SLCO5A1: variants seen among roughly 807,000 people sequenced by gnomAD.
The protein encoded by SLCO5A1 is solute carrier organic anion transporter family member 5A1.
Under a neutral mutation model 65.1 loss-of-function variants are expected in SLCO5A1, and 39 were observed. That is an observed-to-expected ratio of 0.60 (90% CI 0.46 to 0.78). SLCO5A1 has a LOEUF of 0.78. SLCO5A1 is among the 30% of genes least tolerant of loss of function. The pLI, the probability that SLCO5A1 is intolerant of heterozygous loss-of-function variation, is 0.00. For synonymous variants in SLCO5A1, 438 were observed against 415.7 expected (o/e 1.05, Z -0.65); for missense variants, 1,029 against 1,069.4 (o/e 0.96, Z 0.53).
chr8:69,821,859 T>G (rs1005626890), intron 2 of SLCO5A1, among the ~76,000 whole-genome samples: 1 of 149,432 alleles, frequency 6.7e-6, no homozygotes, highest in African/African-American at 2.5e-5. Context: ...AGGCACAGTA[T>G]CTCATGCCTA....
intron 5 of SLCO5A1, among the ~76,000 whole-genome samples, chr8:69,718,942 C>G (rs1177920121): frequency 2.0e-5 from 3 of 152,048 alleles, no homozygotes; most frequent in African/African-American, 7.2e-5. Context: ...ACTGAGGGAT[C>G]CTGGATAAAG....
chr8:69,784,642 G>A (rs1818931028), intron 2 of SLCO5A1, among the ~76,000 whole-genome samples: 1 of 151,704 alleles, frequency 6.6e-6, no homozygotes, highest in Non-Finnish European at 1.5e-5. Context: ...ACAAAAATTA[G>A]ACAGGCATGG....
chr8:69,799,955 T>C (rs978196668), intron 2 of SLCO5A1, among the ~76,000 whole-genome samples: 1 of 152,236 alleles, frequency 6.6e-6, no homozygotes, highest in Non-Finnish European at 1.5e-5. Flanking sequence ...GATTTCATTT[T>C]TTATTTTTCA....
intron 2 of SLCO5A1, among the ~76,000 whole-genome samples, chr8:69,816,386 CTGAAG>C (rs1368893207): frequency 1.3e-5 from 2 of 152,166 alleles, no homozygotes; most frequent in African/African-American, 2.4e-5. Flanking sequence ...TCCACAGGAA[CTGAAG>C]TGAAGAACCT....
Position 69,832,551 on chromosome 8 carries a change from G to A in SLCO5A1, c.123C>T (p.Leu41=). ...GGCTTGGCCGGCAGGAGGCGCTGCT[G>A]AGGACCGGTAAACTCTTAGACCTGA... ...ETLRSKSLPV[L]SSASCRPSLS... is the part of the protein sequence containing the mutation. The change falls in exon 2 of 10, where the codon CTC becomes CTT. Residue 41 remains leucine (L), a synonymous_variant. Transcript: ENST00000260126. The surrounding 1 kb of genome is among the most constrained non-coding windows in gnomAD (Gnocchi z 4.5). 2 of 1,610,832 alleles carry A rather than the reference G, an allele frequency of 1.2e-6. No homozygotes were observed. Among genetic ancestry groups the A allele is most frequent in the Non-Finnish European group, 1.7e-6 (2 of 1,178,524 alleles).
At chr8:69,793,777 CTAAA>C (rs71556785) in intron 2 of SLCO5A1, among the ~76,000 whole-genome samples, 59,477 of 141,554 alleles carry the variant, frequency 0.42, 13,441 homozygotes, top group East Asian at 0.63. Flanking sequence ...GACTCTGTCT[CTAAA>C]TAAATAAATA....
intron 3 of SLCO5A1, among the ~76,000 whole-genome samples, chr8:69,757,383 G>A (rs547620351): frequency 3.9e-5 from 6 of 152,178 alleles, no homozygotes; most frequent in Admixed American, 6.5e-5. Flanking sequence ...AGCTGGTTAC[G>A]GTGGCTCATG....
At chr8:69,772,644 GAAA>G (rs1482306147) in intron 2 of SLCO5A1, among the ~76,000 whole-genome samples, 1 of 151,100 alleles carries the variant, frequency 6.6e-6, no homozygotes, top group East Asian at 1.9e-4. Flanking sequence ...GAAAGGAAAG[GAAA>G]GGAAAGGAAA....
intron 2 of SLCO5A1, among the ~76,000 whole-genome samples, chr8:69,781,527 T>A (rs531042337): frequency 6.6e-6 from 1 of 152,246 alleles, no homozygotes. Context: ...TACTATAAGA[T>A]AACATTGGGC....
At chr8:69,716,224 G>A (rs1363453972) in intron 5 of SLCO5A1, among the ~76,000 whole-genome samples, 1 of 152,130 alleles carries the variant, frequency 6.6e-6, no homozygotes, top group African/African-American at 2.4e-5. Context: ...ATTTACCCAT[G>A]CATTGGTGGA....
chr8:69,815,216 T>C (rs1259077858), intron 2 of SLCO5A1, among the ~76,000 whole-genome samples: 1 of 152,202 alleles, frequency 6.6e-6, no homozygotes, highest in African/African-American at 2.4e-5. Flanking sequence ...CTGAGTTAAT[T>C]AGTCTGCATT....
chr8:69,668,810 G>T lies in SLCO5A1; in HGVS notation c.*4059C>A, dbSNP rs575824927. ...TACTCCATGTAACTCCCCCTTCTCT[G>T]AAGGCTGACATTTCCAAGTGCATGC... On this transcript the variant is annotated 3_prime_UTR_variant, in exon 10 of 10. Transcript: ENST00000260126. The T allele has an allele frequency of 2.7e-3, 414 of 152,160 alleles. 2 individuals carry two copies. The highest frequency in any genetic ancestry group is 9.6e-3 in the African/African-American group (399 of 41,514). The allele number at this position is 152,160 out of a possible 1,614,324, so 9.4% of individuals were successfully genotyped here.
rs1442465600 is a variant in SLCO5A1, at chr8:69,682,420, T to C, written c.1623-77A>G. ...ATAGGAAAGGTCTTGAAATTAATAA[T>C]TTGTCCATTTTAGAGAAAATATTCT... On this transcript the variant is annotated intron_variant, in intron 6 of 9. Transcript: ENST00000260126. 10 of 1,341,326 alleles carry C rather than the reference T, an allele frequency of 7.5e-6. No homozygotes were observed. The South Asian group carries it at 1.1e-4, about 15-fold the overall frequency. The allele number at this position is 1,341,326 out of a possible 1,614,324, so 83.1% of individuals were successfully genotyped here. A position where few individuals can be genotyped will look rare whatever the true frequency, so the allele number is the denominator to read the frequency against.
Position 69,738,086 on chromosome 8 carries a change from G to A in SLCO5A1, c.1377C>T (p.Ile459=), listed in dbSNP as rs747006220. 5.0e-6 allele frequency: 8 copies of A among 1,613,702 alleles called. No homozygotes were observed. The highest frequency in any genetic ancestry group is 2.2e-5 in the East Asian group (1 of 44,872). ...AGGCTGGGATACCAAACTGTGACTC[G>A]ATGAACTTGGGAATGAAGGTAATGA... ...TAFITFIPKF[I]ESQFGIPASN... Residue 459 remains isoleucine, a synonymous_variant, in exon 5 of 10, where the codon ATC becomes ATT. Transcript: ENST00000260126.
At chr8:69,736,205 A>C (rs1816545674) in intron 5 of SLCO5A1, among the ~76,000 whole-genome samples, 1 of 152,204 alleles carries the variant, frequency 6.6e-6, no homozygotes, top group Non-Finnish European at 1.5e-5. Flanking sequence ...GCCAAGTGGG[A>C]CACATTTAGT....
intron 1 of SLCO5A1, chr8:69,833,524 C>T (rs1055268319): frequency 1.1e-4 from 16 of 152,306 alleles, no homozygotes; most frequent in African/African-American, 3.9e-4. Context: ...TGCAGCCTTT[C>T]CGTACTCCTA....
At chr8:69,753,888 C>T (rs936730755) in intron 4 of SLCO5A1, among the ~76,000 whole-genome samples, 2 of 150,788 alleles carry the variant, frequency 1.3e-5, no homozygotes, top group East Asian at 2.0e-4. Flanking sequence ...CGTGGGCGGG[C>T]GCCTGTAATG....
chr8:69,826,753 T>A (rs1820935662), intron 2 of SLCO5A1, among the ~76,000 whole-genome samples: 1 of 152,100 alleles, frequency 6.6e-6, no homozygotes, highest in Admixed American at 6.6e-5. Context: ...TCCTCAGGGA[T>A]CTAGAACTAG....
At chr8:69,784,884 A>AAGG (rs1563722925) in intron 2 of SLCO5A1, among the ~76,000 whole-genome samples, 22 of 133,758 alleles carry the variant, frequency 1.6e-4, no homozygotes, top group African/African-American at 5.9e-4. Flanking sequence ...AGAAAGAAAG[A>AAGG]AAGAAGAAAG....
Sources: allele counts gnomAD v4.1 joint callset (sites outside exome capture counted in the v4.1 genomes callset), GRCh38; gene constraint gnomAD v4.1.1; non-coding constraint Gnocchi (gnomAD v3.1); transcripts MANE v1.5; gene names NCBI Gene and HGNC (gene_info 2026-07-23, HGNC 2026-07-21).